The following NIPSNAP1 variants were observed in gnomAD, a reference collection of about 807,000 sequenced individuals.
NIPSNAP1 encodes the protein protein NipSnap homolog 1.
NIPSNAP1 carries 25 observed loss-of-function variants against 49.2 expected under a neutral mutation model. That is an observed-to-expected ratio of 0.51 (90% CI 0.37 to 0.71). The LOEUF is 0.71. Among genes scored for constraint, NIPSNAP1 ranks in the 30% least tolerant of loss-of-function variants. The pLI is 0.00. For missense variants in NIPSNAP1, 294 were observed against 361.0 expected, an observed-to-expected ratio of 0.81 and a Z score of 1.50; for synonymous variants, 143 against 140.7, an observed-to-expected ratio of 1.02 and a Z score of -0.12.
chr22:29,572,548 C>T (rs1257190325), intron 1 of NIPSNAP1, among the ~76,000 whole-genome samples: 1 of 151,914 alleles, frequency 6.6e-6, no homozygotes, highest in African/African-American at 2.4e-5. Context: ...CTGGCTTATG[C>T]CTGTAATCCC....
At chr22:29,569,538 T>C (rs2064391786) in intron 3 of NIPSNAP1, among the ~76,000 whole-genome samples, 1 of 151,864 alleles carries the variant, frequency 6.6e-6, no homozygotes, top group Admixed American at 6.6e-5. Context: ...CCCAGTAGTT[T>C]GAGACCAGCC....
chr22:29,564,570 C>T (rs771829135), intron 4 of NIPSNAP1, among the ~76,000 whole-genome samples: 1 of 152,102 alleles, frequency 6.6e-6, no homozygotes, highest in African/African-American at 2.4e-5. Context: ...CATGCCACCA[C>T]GCCCAGCTAA....
chr22:29,581,008 G>GTCCCCAGCGCGAGGCCCCGGGC lies in NIPSNAP1; in HGVS notation c.53_74dup (p.Asp25GlufsTer23). 2 of 1,533,860 alleles carry GTCCCCAGCGCGAGGCCCCGGGC rather than the reference G, an allele frequency of 1.3e-6. No individual in the cohort carries two copies. The highest frequency in any genetic ancestry group is 1.7e-6 in the Non-Finnish European group (2 of 1,144,550). ...ACCGCGCCGCAGCTGCAGACGCAAC[G>GTCCCCAGCGCGAGGCCCCGGGC]TCCCCAGCGCGAGGCCCCGGGCCCC... On this transcript the variant is annotated frameshift_variant, in exon 1 of 10. Transcript: ENST00000216121. LOFTEE classifies it high-confidence loss of function.
intron 8 of NIPSNAP1, among the ~76,000 whole-genome samples, chr22:29,559,234 C>A (rs2064316968): frequency 1.3e-5 from 1 of 75,410 alleles, no homozygotes; most frequent in Non-Finnish European, 2.5e-5. Context: ...TTTGGTGTGT[C>A]AGCATTTTTA....
Position 29,558,936 on chromosome 22 carries a change from A to C in NIPSNAP1, c.724T>G (p.Ser242Ala). The change falls in exon 9 of 10, where the codon TCT (serine) becomes GCT (alanine). Residue 242 changes from serine to alanine, a missense_variant. Physicochemically the swap from Ser to Ala is moderately conservative, Grantham distance 99. Transcript: ENST00000216121. Reference protein sequence around the residue: ...HHLWAYKDLQSREETRNAAWR... With the variant: ...HHLWAYKDLQAREETRNAAWR... ...GCAGCGTTTCGAGTCTCCTCCCGAGACTGCAGGTCTTTATAGGCTGTGAGA... is the reference window on the plus strand; with the variant it reads ...GCAGCGTTTCGAGTCTCCTCCCGAGCCTGCAGGTCTTTATAGGCTGTGAGA... 2 of 1,613,568 alleles carry C rather than the reference A, an allele frequency of 1.2e-6. No homozygotes were observed. Among genetic ancestry groups the C allele is most frequent in the Non-Finnish European group, 1.7e-6 (2 of 1,179,792 alleles).
chr22:29,556,334 G>T (rs1446819950), intron 9 of NIPSNAP1, among the ~76,000 whole-genome samples: 1 of 152,148 alleles, frequency 6.6e-6, no homozygotes, highest in East Asian at 1.9e-4. Context: ...AGACTAGCCT[G>T]ACCAACATGG....
chr22:29,554,864 T>G lies in NIPSNAP1; in HGVS notation c.*1071A>C, dbSNP rs1160382707. On this transcript the variant is annotated 3_prime_UTR_variant, in exon 10 of 10. Transcript: ENST00000216121. The stretch of plus-strand genomic sequence containing the variant: ...CAATTCCAGCACAAGTTTTCCTGGA[T>G]GGTAGGCAGAATCAAGCTACCCAAG... The G allele has an allele frequency of 6.5e-6, 1 of 152,688 alleles. No homozygotes were observed. Among genetic ancestry groups the G allele is most frequent in the Non-Finnish European group, 1.5e-5 (1 of 68,040 alleles). The allele number at this position is 152,688 out of a possible 1,614,324, so 9.5% of individuals were successfully genotyped here. A position where few individuals can be genotyped will look rare whatever the true frequency, so the allele number is the denominator to read the frequency against.
At chr22:29,572,302 C>CAA (rs695769) in intron 1 of NIPSNAP1, among the ~76,000 whole-genome samples, 18 of 70,970 alleles carry the variant, frequency 2.5e-4, no homozygotes, top group African/African-American at 7.5e-4. Flanking sequence ...GAATCCATCT[C>CAA]AAAAAAAAAA....
At chr22:29,561,988 C>A (rs1347414420) in intron 4 of NIPSNAP1, 126 bp from the exon 5 acceptor site, 9 of 743,822 alleles carry the variant, frequency 1.2e-5, no homozygotes, top group Non-Finnish European at 2.1e-5. Flanking sequence ...CAGCAAGACT[C>A]CCTGAGTTCC....
Position 29,561,641 on chromosome 22 carries a change from G to A in NIPSNAP1, c.444C>T (p.Tyr148=). 1.9e-6 allele frequency: 3 copies of A among 1,614,030 alleles called. No homozygotes were observed. The highest frequency in any genetic ancestry group is 2.5e-6 in the Non-Finnish European group (3 of 1,180,020). The change falls in exon 6 of 10, where the codon TAC becomes TAT. Residue 148 remains tyrosine (Y), a synonymous_variant. Coordinates refer to ENST00000216121, the MANE Select transcript of NIPSNAP1 (RefSeq NM_003634.4). ...CMNKLKNNKE[Y]LEFRRERSQM... Reference sequence around the variant, plus strand: ...GGCTCCGCTCCCTTCGGAACTCCAGGTACTCCTGTGGGCATGGTGGTAAAG... The same window carrying A: ...GGCTCCGCTCCCTTCGGAACTCCAGATACTCCTGTGGGCATGGTGGTAAAG...
intron 9 of NIPSNAP1, among the ~76,000 whole-genome samples, chr22:29,556,406 C>G (rs548488549): frequency 6.6e-6 from 1 of 152,054 alleles, no homozygotes; most frequent in Non-Finnish European, 1.5e-5. Context: ...TGCTTGTAAT[C>G]CTAGCTACTC....
At chr22:29,556,370 C>G (rs1384547781) in intron 9 of NIPSNAP1, among the ~76,000 whole-genome samples, 1 of 151,960 alleles carries the variant, frequency 6.6e-6, no homozygotes, top group Non-Finnish European at 1.5e-5. Context: ...ACTAAAAATA[C>G]AAAATTAGCC....
chr22:29,558,778 G>A lies in NIPSNAP1; in HGVS notation c.790+92C>T, dbSNP rs947860169. The A allele has an allele frequency of 1.1e-4, 104 of 951,556 alleles. No homozygotes were observed. In the Admixed American group the frequency reaches 1.7e-3, roughly 16 times the overall value. 58.9% of individuals were successfully genotyped at this position (951,556 alleles called of 1,614,324 possible). ...TCTTAAAAGTGAGTTCCCCATCACT[G>A]GAGGTAATCAAGAAAGACTAGATCT... On this transcript the variant is annotated intron_variant, in intron 9 of 9. Coordinates refer to ENST00000216121, the MANE Select transcript of NIPSNAP1 (RefSeq NM_003634.4).
chr22:29,556,672 T>A (rs2064296761), intron 9 of NIPSNAP1, among the ~76,000 whole-genome samples: 2 of 152,258 alleles, frequency 1.3e-5, no homozygotes, highest in South Asian at 2.1e-4. Context: ...TTAATGTGCA[T>A]ACAAATCACT....
chr22:29,575,577 C>T (rs1177823005), intron 1 of NIPSNAP1, among the ~76,000 whole-genome samples: 1 of 152,228 alleles, frequency 6.6e-6, no homozygotes, highest in Non-Finnish European at 1.5e-5. Flanking sequence ...CAAGCCCTCT[C>T]TTCCTGCTCT....
chr22:29,560,674 CAG>C, intron 8 of NIPSNAP1, 58 bp downstream of exon 8: 9 of 1,363,858 alleles, frequency 6.6e-6, no homozygotes, highest in African/African-American at 5.7e-5. Context: ...CCATTGGCTA[CAG>C]AGAGTGATGA....
Position 29,570,479 on chromosome 22 carries a change from T to A in NIPSNAP1, c.152A>T (p.Lys51Ile). Residue 51 changes from lysine (K) to isoleucine (I), a missense_variant, in exon 2 of 10, where the codon AAA becomes ATA. Lys to Ile is a moderately radical substitution (Grantham distance 102). Transcript: ENST00000216121. ...GTGGGCATCCTTCCGGGGATCCACT[T>A]TGTGAACAAAGAGGGAGCGGAACCA... Reference protein sequence around the residue: ...GSWFRSLFVHKVDPRKDAHST... With the variant: ...GSWFRSLFVHIVDPRKDAHST... The A allele has an allele frequency of 6.2e-7, 1 of 1,614,158 alleles. No homozygotes were observed. Among genetic ancestry groups the A allele is most frequent in the African/African-American group, 1.3e-5 (1 of 75,052 alleles).
rs2064289578 is a variant in NIPSNAP1, at chr22:29,555,765, C to G, written c.*170G>C. 1.5e-6 allele frequency: 1 copy of G among 686,894 alleles called. No homozygotes were observed. The highest frequency in any genetic ancestry group is 1.6e-5 in the South Asian group (1 of 61,658). 42.5% of individuals were successfully genotyped at this position (686,894 alleles called of 1,614,324 possible). ...GAAAGTAGAAAGGGCCTGGGCAGAG[C>G]TGTAATCCTCAGAACTTGTCAGCCT... On this transcript the variant is annotated 3_prime_UTR_variant, in exon 10 of 10. Coordinates refer to ENST00000216121, the MANE Select transcript of NIPSNAP1 (RefSeq NM_003634.4).
At chr22:29,560,527 T>C (rs922646196) in intron 8 of NIPSNAP1, among the ~76,000 whole-genome samples, 1 of 152,198 alleles carries the variant, frequency 6.6e-6, no homozygotes, top group Non-Finnish European at 1.5e-5. Flanking sequence ...ATTATACACT[T>C]GAGCCACCGC....
Sources: allele counts gnomAD v4.1 joint callset (sites outside exome capture counted in the v4.1 genomes callset), GRCh38; gene constraint gnomAD v4.1.1; transcripts MANE v1.5; gene names NCBI Gene and HGNC (gene_info 2026-07-23, HGNC 2026-07-21).